Variants in GCN1 observed in about 807,000 individuals in gnomAD.
The protein encoded by GCN1 is GCN1 activator of EIF2AK4, also known as stalled ribosome sensor GCN1.
In GCN1, 90 loss-of-function variants were observed where a neutral mutation model predicts 288.4. The ratio of observed to expected loss-of-function variants is 0.31; its 90% CI spans 0.26 to 0.37. GCN1 has a LOEUF of 0.37. Ranked by LOEUF, GCN1 falls within the 10% of genes least tolerant of loss-of-function variation. The pLI, the probability that GCN1 is intolerant of heterozygous loss-of-function variation, is 1.00. For missense variants in GCN1, 2,586 were observed against 3,419.9 expected (o/e 0.76, Z 6.08); for synonymous variants, 1,386 against 1,420.2 (o/e 0.98, Z 0.54).
At chr12:120,183,138 A>T (rs1346865410) in intron 5 of GCN1, among the ~76,000 whole-genome samples, 1 of 152,108 alleles carries the variant, frequency 6.6e-6, no homozygotes, top group Non-Finnish European at 1.5e-5. Context: ...CAAGACAAAA[A>T]ATCCATTCCA....
intron 45 of GCN1, among the ~76,000 whole-genome samples, chr12:120,139,798 T>C (rs1173427667): frequency 6.6e-6 from 1 of 152,190 alleles, no homozygotes; most frequent in East Asian, 1.9e-4. Flanking sequence ...CTGGACTCTT[T>C]CTTTTGCTTA....
At chr12:120,181,504 GGTGT>G (rs1430635535) in intron 5 of GCN1, among the ~76,000 whole-genome samples, 10 of 142,176 alleles carry the variant, frequency 7.0e-5, no homozygotes, top group Non-Finnish European at 1.5e-4. Flanking sequence ...GCAGAATCAT[GGTGT>G]GTGTATAAAA....
chr12:120,150,138 A>G (rs1877493399), intron 34 of GCN1, 95 bp from the exon 35 acceptor site: 2 of 1,249,724 alleles, frequency 1.6e-6, no homozygotes, highest in Non-Finnish European at 2.2e-6. Context: ...GCCACCTCCC[A>G]CCCCTCTGGA....
intron 2 of GCN1, among the ~76,000 whole-genome samples, chr12:120,188,691 T>C (rs1325318615): frequency 1.3e-5 from 2 of 151,518 alleles, no homozygotes; most frequent in Non-Finnish European, 2.9e-5. Flanking sequence ...CTACTAAATA[T>C]ACAAAAAATT....
rs1163617450 is a variant in GCN1, at chr12:120,131,204, C to G, written c.7544G>C (p.Ser2515Thr). 1.2e-6 allele frequency: 2 copies of G among 1,613,998 alleles called. No individual in the cohort carries two copies. Among genetic ancestry groups the G allele is most frequent in the Non-Finnish European group, 1.7e-6 (2 of 1,179,948 alleles). Residue 2515 changes from serine (S) to threonine (T), a missense_variant, in exon 55 of 58, where the codon AGC becomes ACC. Ser to Thr is a moderately conservative substitution (Grantham distance 58). Coordinates refer to ENST00000300648, the MANE Select transcript of GCN1 (RefSeq NM_006836.2). ...YSSDVQEMIL[S>T]SATADRIPIA... ...CCTTACCCTGTCCGCCGTGGCACTG[C>G]TCAGGATCATTTCCTGAACATCACT...
chr12:120,145,222 T>C (rs372743370), intron 39 of GCN1, 40 bp downstream of exon 39: 96 of 1,559,814 alleles, frequency 6.2e-5, no homozygotes, highest in Non-Finnish European at 7.0e-5. Context: ...GGGGACTGGA[T>C]GAGGGGCCTG....
In GCN1 at chr12:120,147,156, G is replaced by C. The variant is rs763124299; in HGVS notation, c.4843C>G (p.Leu1615Val). Residue 1615 changes from leucine (L) to valine (V), a missense_variant, in exon 38 of 58, where the codon CTC becomes GTC. This residue lies in a region of GCN1 where 371 missense variants were observed against 572.6 expected (regional missense o/e 0.65). Coordinates refer to ENST00000300648, the MANE Select transcript of GCN1 (RefSeq NM_006836.2). The part of the protein sequence containing the change: ...VHFIDAPSLA[L>V]IMPIVQRAFQ... ...GCTCTCTGGACAATGGGCATGATGA[G>C]GGCCAGGGATGGGGCATCAATGAAG... is the stretch of plus-strand genomic sequence containing the variant. 6.2e-7 allele frequency: 1 copy of C among 1,613,210 alleles called. No homozygotes were observed. Among genetic ancestry groups the C allele is most frequent in the Non-Finnish European group, 8.5e-7 (1 of 1,179,380 alleles).
At position 120,142,466 on chromosome 12, in the gene GCN1, C is replaced by T. The variant is rs755577621; in HGVS notation, c.5829+41G>A. The T allele has an allele frequency of 3.4e-6, 5 of 1,453,212 alleles. No homozygotes were observed. Among genetic ancestry groups the T allele is most frequent in the Non-Finnish European group, 4.8e-6 (5 of 1,034,650 alleles). 90.0% of individuals were successfully genotyped at this position (1,453,212 alleles called of 1,614,324 possible). The stretch of plus-strand genomic sequence containing the variant: ...CAGCCTTCTAGGCTCTGAAAGGAGG[C>T]ACTGGGGCTGCTGGTCCAAAACAAG... On this transcript the variant is annotated intron_variant, in intron 44 of 57. Transcript: ENST00000300648. The surrounding 1 kb of genome is among the most constrained non-coding windows in gnomAD (Gnocchi z 4.9).
rs549098778 is a variant in GCN1, at chr12:120,137,427, G to C, written c.6664-108C>G. On this transcript the variant is annotated intron_variant, in intron 49 of 57. Transcript: ENST00000300648. This position sits in a 1 kb window ranked among gnomAD's most constrained non-coding sequence, Gnocchi z 5.2. ...GGAGTATAAACAAGACTTGCCACGA[G>C]TGGGTAAACGCCGAAGCTGAGTGAC... is the stretch of plus-strand genomic sequence containing the variant. 3 of 1,392,980 alleles carry C rather than the reference G, an allele frequency of 2.2e-6. No individual in the cohort carries two copies. Among genetic ancestry groups the C allele is most frequent in the African/African-American group, 2.8e-5 (2 of 70,594 alleles). 86.3% of individuals were successfully genotyped at this position (1,392,980 alleles called of 1,614,324 possible). A position where few individuals can be genotyped will look rare whatever the true frequency, so the allele number is the denominator to read the frequency against.
chr12:120,153,713 C>G lies in GCN1; in HGVS notation c.3867+31G>C, dbSNP rs754444933. ...GCGGGCTGGGACCCCCTTACCTTCC[C>G]GTGGGTGTTCCCTGGCTGGGACCCC... is the stretch of plus-strand genomic sequence containing the variant. On this transcript the variant is annotated intron_variant, in intron 32 of 57. Coordinates refer to ENST00000300648, the MANE Select transcript of GCN1 (RefSeq NM_006836.2). The surrounding 1 kb of genome is among the most constrained non-coding windows in gnomAD (Gnocchi z 4.4). 1 of 1,606,356 alleles carries G rather than the reference C, an allele frequency of 6.2e-7. No homozygotes were observed.
intron 16 of GCN1, among the ~76,000 whole-genome samples, chr12:120,166,480 G>A (rs760947458): frequency 2.6e-5 from 4 of 151,314 alleles, no homozygotes; most frequent in Non-Finnish European, 5.9e-5. Context: ...CAAGGTGGGC[G>A]GATCATGAGG....
chr12:120,150,719 C>T (rs1334221801), intron 34 of GCN1, among the ~76,000 whole-genome samples: 3 of 152,050 alleles, frequency 2.0e-5, no homozygotes, highest in Non-Finnish European at 2.9e-5. Context: ...GGACAGATCA[C>T]GAGGTCAGGA....
chr12:120,139,526 G>GTCC (rs1877122470), intron 45 of GCN1, among the ~76,000 whole-genome samples: 1 of 151,976 alleles, frequency 6.6e-6, no homozygotes, highest in African/African-American at 2.4e-5. Context: ...TACTCAGGAG[G>GTCC]CCATAGCGAG....
chr12:120,129,351 G>A lies in GCN1; in HGVS notation c.7815C>T (p.Asn2605=), dbSNP rs766869390. 16 of 1,614,102 alleles carry A rather than the reference G, an allele frequency of 9.9e-6. No homozygotes were observed. In the Middle Eastern group the frequency reaches 8.2e-4, roughly 83 times the overall value. Residue 2605 remains asparagine (N), a synonymous_variant, in exon 57 of 58, where the codon AAC becomes AAT. Coordinates refer to ENST00000300648, the MANE Select transcript of GCN1 (RefSeq NM_006836.2). ...KALLDNTKDK[N]TVVRAYSDQA... ...GGTCGCTGTAGGCCCTGACCACGGT[G>A]TTCTTATCCTTGGTGTTGTCAAGAA...
intron 53 of GCN1, among the ~76,000 whole-genome samples, chr12:120,133,816 T>C (rs1378875850): frequency 6.6e-6 from 1 of 152,156 alleles, no homozygotes; most frequent in East Asian, 1.9e-4. Context: ...TGCCTGTTAA[T>C]CCCAGCACTT....
rs142397543 is a variant in GCN1, at chr12:120,132,657, G to C, written c.7318-635C>G. ...TCCTGTTCAAATCAGAGCCAGGTAC[G>C]CGAGCGGCTCCGTGCTCCTCCCTGG... On this transcript the variant is annotated intron_variant, in intron 53 of 57. Coordinates refer to ENST00000300648, the MANE Select transcript of GCN1 (RefSeq NM_006836.2). Among the ~76,000 whole-genome samples the C allele has an allele frequency of 2.0e-3, 311 of 152,342 alleles. 1 individual carries two copies. The highest frequency in any genetic ancestry group is 6.8e-3 in the Middle Eastern group (2 of 294).
intron 47 of GCN1, 105 bp from the exon 48 acceptor site, chr12:120,138,149 C>T: frequency 1.8e-6 from 2 of 1,090,138 alleles, no homozygotes; most frequent in Non-Finnish European, 2.7e-6. Context: ...CTGCTCAGAG[C>T]CAAGCATCTA....
intron 56 of GCN1, among the ~76,000 whole-genome samples, chr12:120,130,126 C>T (rs969443083): frequency 2.0e-5 from 3 of 152,316 alleles, no homozygotes; most frequent in South Asian, 4.1e-4. Flanking sequence ...GAGTACCAGG[C>T]ATGGCCCCAT....
At position 120,134,294 on chromosome 12, in the gene GCN1, A is replaced by G. The variant is rs1594258736; in HGVS notation, c.7314T>C (p.Asp2438=). The change falls in exon 53 of 58, where the codon GAT becomes GAC. Residue 2438 remains aspartate, a synonymous_variant. Transcript: ENST00000300648. The surrounding 1 kb of genome is among the most constrained non-coding windows in gnomAD (Gnocchi z 5.0). ...CTAGTCCTGCCTGCAGCCGTACCTC[A>G]TCGTGTCCCAGCATGCTCAGCAGGA... ...VSLLLSMLGH[D]EDNTRISSAG... is the part of the protein sequence containing the mutation. 1.2e-6 allele frequency: 2 copies of G among 1,610,596 alleles called. No individual in the cohort carries two copies. Among genetic ancestry groups the G allele is most frequent in the Middle Eastern group, 1.7e-4 (1 of 6,058 alleles).
Sources: gnomAD v4.1 joint callset for allele counts (sites outside exome capture counted in the v4.1 genomes callset) on GRCh38, gnomAD v4.1.1 for gene constraint, gnomAD v4.1.1 regional missense constraint, Gnocchi (gnomAD v3.1) non-coding constraint, MANE v1.5 for transcripts, NCBI Gene and HGNC (gene_info 2026-07-23, HGNC 2026-07-21) for gene names.